Variants in CNTNAP2 observed in about 807,000 individuals in gnomAD.
CNTNAP2 encodes contactin associated protein 2, also known as contactin-associated protein-like 2.
Under a neutral mutation model 155.2 loss-of-function variants are expected in CNTNAP2, and 98 were observed. The observed-to-expected ratio is 0.63, with a 90% CI of 0.54 to 0.75. The LOEUF (loss-of-function observed/expected upper bound fraction) is 0.75. Ranked by LOEUF, CNTNAP2 falls within the 30% of genes least tolerant of loss-of-function variation. The pLI, the probability that CNTNAP2 is intolerant of heterozygous loss-of-function variation, is 0.00. For missense variants in CNTNAP2, 1,727 were observed against 1,688.1 expected (o/e 1.02, Z -0.40); for synonymous variants, 651 against 631.2 (o/e 1.03, Z -0.47).
chr7:146,916,406 T>G (rs1440439687), intron 3 of CNTNAP2, among the ~76,000 whole-genome samples: 1 of 152,138 alleles, frequency 6.6e-6, no homozygotes, highest in Non-Finnish European at 1.5e-5. Flanking sequence ...TTGGTACCAA[T>G]TATTCTTTAA....
rs1795215830 is a variant in CNTNAP2 at position 147,315,666 on chromosome 7, G to T, written c.1498+15376G>T. ...CGGCTAATTTTTTGTATTTTTAGTA[G>T]AGATGGCGTTTAACTGTGTCAGCCA... On this transcript the variant is annotated intron_variant, in intron 9 of 23. Transcript: ENST00000361727. Among the ~76,000 whole-genome samples, 3 of 151,812 alleles carry T rather than the reference G, an allele frequency of 2.0e-5. No homozygotes were observed. In the South Asian group the frequency reaches 6.2e-4, roughly 32 times the overall value.
intron 15 of CNTNAP2, among the ~76,000 whole-genome samples, chr7:148,010,347 C>T (rs1802054734): frequency 6.7e-6 from 1 of 148,608 alleles, no homozygotes; most frequent in Admixed American, 6.7e-5. Context: ...TTTTGATGTG[C>T]AGAAGTTTTA....
intron 21 of CNTNAP2, among the ~76,000 whole-genome samples, chr7:148,369,676 T>A (rs1198901577): frequency 6.7e-6 from 1 of 149,156 alleles, no homozygotes; most frequent in Non-Finnish European, 1.5e-5. Flanking sequence ...TTATTATTAT[T>A]ATTACTATTA....
chr7:146,471,330 C>T (rs1006469066), intron 1 of CNTNAP2, among the ~76,000 whole-genome samples: 1 of 152,154 alleles, frequency 6.6e-6, no homozygotes, highest in South Asian at 2.1e-4. Context: ...TAAGTCGAAC[C>T]TTTGATAGCT....
chr7:147,161,657 GA>G (rs1354741468), intron 8 of CNTNAP2: 1 of 152,042 alleles, frequency 6.6e-6, no homozygotes, highest in East Asian at 1.9e-4. Flanking sequence ...CATCTTCACT[GA>G]AGTATCTGCT....
intron 15 of CNTNAP2, among the ~76,000 whole-genome samples, chr7:148,078,829 A>G (rs745312958): frequency 2.0e-4 from 30 of 152,386 alleles, no homozygotes; most frequent in Non-Finnish European, 3.8e-4. Context: ...AGAAGAAAAA[A>G]TTACATATTT....
chr7:147,350,540 A>G (rs1795951508), intron 9 of CNTNAP2, among the ~76,000 whole-genome samples: 1 of 151,920 alleles, frequency 6.6e-6, no homozygotes, highest in Admixed American at 6.6e-5. Flanking sequence ...TTAATTGAAC[A>G]TTAAAATTCT....
intron 3 of CNTNAP2, among the ~76,000 whole-genome samples, chr7:146,933,417 T>C (rs1288206206): frequency 4.6e-5 from 7 of 151,420 alleles, no homozygotes; most frequent in South Asian, 2.1e-4. Context: ...CCCTTCCTTA[T>C]ACCTTATACA....
At chr7:147,498,429 G>A (rs1798750553) in intron 11 of CNTNAP2, among the ~76,000 whole-genome samples, 1 of 152,214 alleles carries the variant, frequency 6.6e-6, no homozygotes, top group South Asian at 2.1e-4. Flanking sequence ...TTCCTGCAGT[G>A]TGATTGCCAC....
At chr7:148,002,524 C>T (rs1247354346) in intron 15 of CNTNAP2, among the ~76,000 whole-genome samples, 1 of 151,936 alleles carries the variant, frequency 6.6e-6, no homozygotes, top group Non-Finnish European at 1.5e-5. Flanking sequence ...TGGGAACCAA[C>T]ATTTCTTATC....
intron 4 of CNTNAP2, among the ~76,000 whole-genome samples, chr7:147,092,213 G>A (rs1301288358): frequency 6.6e-6 from 1 of 152,170 alleles, no homozygotes; most frequent in African/African-American, 2.4e-5. Flanking sequence ...CTGTTTCCAA[G>A]TTCAGTTCCT....
At chr7:147,424,685 A>C (rs1191675035) in intron 10 of CNTNAP2, among the ~76,000 whole-genome samples, 1 of 152,144 alleles carries the variant, frequency 6.6e-6, no homozygotes, top group East Asian at 1.9e-4. Context: ...GACCTTACAC[A>C]CAACTGCCTG....
intron 1 of CNTNAP2, among the ~76,000 whole-genome samples, chr7:146,124,263 C>T (rs1029856879): frequency 1.3e-5 from 2 of 152,004 alleles, no homozygotes; most frequent in African/African-American, 2.4e-5. Flanking sequence ...AAAAAAAGTG[C>T]TTATTGTCAC....
intron 1 of CNTNAP2, among the ~76,000 whole-genome samples, chr7:146,233,766 T>A (rs902909564): frequency 5.3e-5 from 8 of 151,990 alleles, no homozygotes; most frequent in African/African-American, 1.9e-4. Flanking sequence ...ATTTCCAATT[T>A]CATCCATGTC....
intron 4 of CNTNAP2, among the ~76,000 whole-genome samples, chr7:147,105,002 A>G (rs1340092428): frequency 6.7e-6 from 1 of 149,838 alleles, no homozygotes; most frequent in Non-Finnish European, 1.5e-5. Context: ...GTACCCATTA[A>G]CACTGGTGAT....
At chr7:147,474,718 A>G (rs1016700275) in intron 10 of CNTNAP2, among the ~76,000 whole-genome samples, 3 of 152,250 alleles carry the variant, frequency 2.0e-5, no homozygotes, top group Admixed American at 6.5e-5. Flanking sequence ...TGACTGAGGC[A>G]GTCTCACAAG....
intron 8 of CNTNAP2, among the ~76,000 whole-genome samples, chr7:147,230,969 G>T (rs1271811032): frequency 6.6e-6 from 1 of 152,182 alleles, no homozygotes; most frequent in Non-Finnish European, 1.5e-5. Flanking sequence ...GATCTGTGTG[G>T]CTGGGGAGAC....
At chr7:147,457,566 T>TTTC (rs1797940097) in intron 10 of CNTNAP2, among the ~76,000 whole-genome samples, 1 of 151,660 alleles carries the variant, frequency 6.6e-6, no homozygotes, top group South Asian at 2.1e-4. Flanking sequence ...AGAGGTTTTT[T>TTTC]TTCCTGTTTT....
At chr7:148,291,665 A>G (rs1469966652) in intron 21 of CNTNAP2, among the ~76,000 whole-genome samples, 1 of 152,154 alleles carries the variant, frequency 6.6e-6, no homozygotes, top group Non-Finnish European at 1.5e-5. Flanking sequence ...AATACTTTGC[A>G]TCCTTCAGTC....
Sources: gnomAD v4.1 joint callset for allele counts (sites outside exome capture counted in the v4.1 genomes callset) on GRCh38, gnomAD v4.1.1 for gene constraint, MANE v1.5 for transcripts, NCBI Gene and HGNC (gene_info 2026-07-23, HGNC 2026-07-21) for gene names.